The following FASTKD1 variants were observed in gnomAD, a reference collection of about 807,000 sequenced individuals.
FASTKD1 encodes the protein FAST kinase domain-containing protein 1, mitochondrial.
Under a neutral mutation model 90.9 loss-of-function variants are expected in FASTKD1, and 94 were observed. That is an observed-to-expected ratio of 1.03 (90% CI 0.88 to 1.23). The LOEUF is 1.23. FASTKD1 is among the 50% of genes most tolerant of loss of function. The probability of loss-of-function intolerance (pLI) is 0.00; values close to 1 mark genes in which losing one functional copy is unlikely to be tolerated. For synonymous variants in FASTKD1, 319 were observed against 345.8 expected (o/e 0.92, Z 0.86); for missense variants, 945 against 993.5 (o/e 0.95, Z 0.66).
At chr2:169,559,161 C>T (rs762100142) in intron 5 of FASTKD1, among the ~76,000 whole-genome samples, 12 of 151,638 alleles carry the variant, frequency 7.9e-5, no homozygotes, top group South Asian at 2.1e-4. Flanking sequence ...TTAGTAGAGA[C>T]GGGGTTCCTC....
chr2:169,543,332 G>A (rs558948654), intron 9 of FASTKD1, among the ~76,000 whole-genome samples: 11 of 152,034 alleles, frequency 7.2e-5, no homozygotes, highest in Non-Finnish European at 1.3e-4. Context: ...GCGTAGTGGC[G>A]CATGCCTGTA....
At chr2:169,553,967 T>A (rs1288391783) in intron 7 of FASTKD1, among the ~76,000 whole-genome samples, 1 of 151,622 alleles carries the variant, frequency 6.6e-6, no homozygotes, top group Non-Finnish European at 1.5e-5. Flanking sequence ...TAGATGGGCA[T>A]GCTGGTTCAA....
At position 169,544,805 on chromosome 2, in the gene FASTKD1, G is replaced by A. The variant is rs561762592; in HGVS notation, c.1732C>T (p.Arg578Cys). The A allele has an allele frequency of 2.4e-5, 38 of 1,610,736 alleles. No homozygotes were observed. The highest frequency in any genetic ancestry group is 2.2e-4 in the East Asian group (10 of 44,796). The change falls in exon 9 of 15, where the codon CGT (arginine) becomes TGT (cysteine). Residue 578 changes from arginine (R) to cysteine (C), a missense_variant. By Grantham distance (180) the Arg-to-Cys change is radical (BLOSUM62 -3). Coordinates refer to ENST00000453153, the MANE Select transcript of FASTKD1 (RefSeq NM_024622.6). ...TCATAGTTCAATACGCTGAATGGAC[G>A]AATAATAGCAGGGATTGTAAAAGGA... ...IHPFTIPAII[R>C]PFSVLNYDPP...
intron 4 of FASTKD1, among the ~76,000 whole-genome samples, 161 bp from the exon 5 acceptor site, chr2:169,560,946 G>A (rs1206935521): frequency 7.1e-5 from 10 of 140,890 alleles, no homozygotes; most frequent in African/African-American, 2.7e-4. Flanking sequence ...GCCTCCCAAA[G>A]TGCTGGGATT....
At chr2:169,537,919 G>C (rs1043483533) in intron 11 of FASTKD1, 94 bp downstream of exon 11, 39 of 1,051,784 alleles carry the variant, frequency 3.7e-5, no homozygotes, top group Admixed American at 1.0e-4. Context: ...GGGAAGGCTC[G>C]TGTCATGTTT....
chr2:169,561,001 T>TA lies in FASTKD1; in HGVS notation c.573-217dup, dbSNP rs556371261. Among the ~76,000 whole-genome samples the TA allele has an allele frequency of 9.4e-3, 1,395 of 148,286 alleles. 4 individuals carry two copies. The highest frequency in any genetic ancestry group is 0.013 in the Non-Finnish European group (866 of 66,950). ...CCCAGCCACATAAGTGTATTTTTTT[T>TA]AAAAAAAAGGCAAGGGGCTGGGCAT... On this transcript the variant is annotated intron_variant, in intron 4 of 14. Coordinates refer to ENST00000453153, the MANE Select transcript of FASTKD1 (RefSeq NM_024622.6).
intron 9 of FASTKD1, among the ~76,000 whole-genome samples, chr2:169,541,382 A>G (rs1288420660): frequency 6.6e-6 from 1 of 152,338 alleles, no homozygotes; most frequent in East Asian, 1.9e-4. Context: ...CTGGTTGTCA[A>G]CACATGACTG....
intron 3 of FASTKD1, among the ~76,000 whole-genome samples, chr2:169,563,847 G>C (rs976631196): frequency 1.3e-5 from 2 of 152,078 alleles, no homozygotes; most frequent in African/African-American, 2.4e-5. Flanking sequence ...GAGTACAATG[G>C]ATAAACTGCA....
At chr2:169,536,815 T>C (rs1485889703) in intron 12 of FASTKD1, among the ~76,000 whole-genome samples, 2 of 152,162 alleles carry the variant, frequency 1.3e-5, no homozygotes, top group African/African-American at 4.8e-5. Context: ...GAAATCTTTA[T>C]CCAGGCTGAT....
intron 6 of FASTKD1, among the ~76,000 whole-genome samples, chr2:169,556,697 C>T (rs547544020): frequency 3.3e-5 from 5 of 151,804 alleles, no homozygotes; most frequent in African/African-American, 4.8e-5. Flanking sequence ...TGGTGGCACA[C>T]GCCTGTAATC....
chr2:169,551,667 C>T (rs986000072), intron 7 of FASTKD1, among the ~76,000 whole-genome samples: 2 of 151,986 alleles, frequency 1.3e-5, no homozygotes, highest in Non-Finnish European at 2.9e-5. Context: ...TGTGGTAGCA[C>T]GTGCCTGTAG....
intron 7 of FASTKD1, 64 bp from the exon 8 acceptor site, chr2:169,546,768 A>T: frequency 4.3e-6 from 6 of 1,390,190 alleles, no homozygotes; most frequent in Non-Finnish European, 5.9e-6. Context: ...GTATTAAAAT[A>T]TGAATACATA....
At chr2:169,573,457 C>T (rs1316066972) in intron 1 of FASTKD1, 1 of 152,234 alleles carries the variant, frequency 6.6e-6, no homozygotes, top group African/African-American at 2.4e-5. Flanking sequence ...GGCCTTGGGA[C>T]CCTAAGGGGT....
In FASTKD1 at chr2:169,555,272, A is replaced by T. The variant is rs1683248949; in HGVS notation, c.1083-17T>A. On this transcript the variant is annotated splice_polypyrimidine_tract_variant and intron_variant, in intron 6 of 14. Transcript: ENST00000453153. ...GAAGTAACTCTAAAAAGGATAGAGC[A>T]TATATTATAACCAGTTCATTCATTT... is the stretch of plus-strand genomic sequence containing the variant. 3 of 1,593,792 alleles carry T rather than the reference A, an allele frequency of 1.9e-6. No homozygotes were observed. In the Admixed American group the frequency reaches 5.2e-5, roughly 28 times the overall value.
At chr2:169,531,521 A>G (rs1311719262) in intron 12 of FASTKD1, 31 bp from the exon 13 acceptor site, 1 of 1,560,248 alleles carries the variant, frequency 6.4e-7, no homozygotes, top group Non-Finnish European at 8.7e-7. Flanking sequence ...GGTAGTATGA[A>G]TTAGGTAAAG....
intron 8 of FASTKD1, among the ~76,000 whole-genome samples, chr2:169,545,743 TAAGAAA>T (rs1212822369): frequency 1.3e-5 from 2 of 152,120 alleles, no homozygotes; most frequent in African/African-American, 4.8e-5. Flanking sequence ...ATTACAGAAA[TAAGAAA>T]AAGTAAAACC....
intron 5 of FASTKD1, 54 bp from the exon 6 acceptor site, chr2:169,557,351 A>T: frequency 2.1e-6 from 2 of 967,316 alleles, no homozygotes; most frequent in Non-Finnish European, 1.6e-6. Flanking sequence ...TTAGCTTGCA[A>T]TTTTTTTTAA....
chr2:169,567,818 T>A (rs967064417), intron 3 of FASTKD1, among the ~76,000 whole-genome samples: 5 of 152,180 alleles, frequency 3.3e-5, no homozygotes, highest in Non-Finnish European at 7.3e-5. Context: ...TTCCTCACCC[T>A]GATTTTTTTC....
intron 12 of FASTKD1, chr2:169,531,787 G>C: frequency 4.3e-6 from 1 of 232,790 alleles, no homozygotes; most frequent in Non-Finnish European, 8.3e-6. Context: ...ATCTCTTTAA[G>C]GCTCTTGATT....
Sources: allele counts gnomAD v4.1 joint callset (sites outside exome capture counted in the v4.1 genomes callset), GRCh38; gene constraint gnomAD v4.1.1; transcripts MANE v1.5; gene names NCBI Gene and HGNC (gene_info 2026-07-23, HGNC 2026-07-21).